The following KRAS variants were observed in gnomAD, a reference collection of about 807,000 sequenced individuals.
The protein encoded by KRAS is GTPase KRas.
Under a neutral mutation model 21.0 loss-of-function variants are expected in KRAS, and 1 was observed. That is an observed-to-expected ratio of 0.05 (90% CI 0.02 to 0.23). The LOEUF is 0.23. Ranked by LOEUF, KRAS falls within the 10% of genes least tolerant of loss-of-function variation. The pLI, the probability that KRAS is intolerant of heterozygous loss-of-function variation, is 1.00. For missense variants in KRAS, 107 were observed against 221.8 expected, an observed-to-expected ratio of 0.48 and a Z score of 3.29; for synonymous variants, 67 against 72.5, an observed-to-expected ratio of 0.92 and a Z score of 0.39.
intron 4 of KRAS, among the ~76,000 whole-genome samples, chr12:25,213,838 G>A (rs980516928): frequency 6.6e-6 from 1 of 152,162 alleles, no homozygotes; most frequent in Non-Finnish European, 1.5e-5. Flanking sequence ...AGTATTTTCT[G>A]AGCAAGACAG....
At chr12:25,250,584 C>G (rs1389597556) in intron 1 of KRAS, among the ~76,000 whole-genome samples, 167 bp downstream of exon 1, 1 of 151,334 alleles carries the variant, frequency 6.6e-6, no homozygotes, top group Non-Finnish European at 1.5e-5. Context: ...CCGCGCGCCT[C>G]CCCCCTGCAG....
At chr12:25,246,212 T>C (rs1482528385) in intron 1 of KRAS, among the ~76,000 whole-genome samples, 1 of 149,124 alleles carries the variant, frequency 6.7e-6, no homozygotes, top group Non-Finnish European at 1.5e-5. Context: ...GAACTCCGAA[T>C]TAACTGTTCA....
chr12:25,236,530 G>T (rs777835132), intron 2 of KRAS, among the ~76,000 whole-genome samples: 3 of 151,732 alleles, frequency 2.0e-5, no homozygotes, highest in South Asian at 4.2e-4. Context: ...TTGCCTTTCA[G>T]TCTTCCAACA....
intron 4 of KRAS, among the ~76,000 whole-genome samples, chr12:25,222,668 A>C (rs966969040): frequency 1.3e-5 from 2 of 152,168 alleles, no homozygotes; most frequent in Admixed American, 6.5e-5. Flanking sequence ...CATATTATAT[A>C]CCTTCAAAAA....
chr12:25,226,009 CCTA>C (rs1285964648), intron 3 of KRAS, among the ~76,000 whole-genome samples: 3 of 151,978 alleles, frequency 2.0e-5, no homozygotes, highest in African/African-American at 7.2e-5. Flanking sequence ...AAAACTATAA[CCTA>C]ATAGGTTAAT....
chr12:25,228,547 G>T (rs916064721), intron 2 of KRAS, among the ~76,000 whole-genome samples: 1 of 151,930 alleles, frequency 6.6e-6, no homozygotes, highest in African/African-American at 2.4e-5. Context: ...CTTATATGAG[G>T]AACCTAAAAT....
rs138809689 is a variant in KRAS at position 25,226,084 on chromosome 12, T to C, written c.291-311A>G. 6.2e-3 allele frequency among the ~76,000 whole-genome samples: 946 copies of C among 152,290 alleles called. 10 individuals carry two copies. The highest frequency in any genetic ancestry group is 0.021 in the African/African-American group (876 of 41,572). ...GAAAAATTCTAGACCCAAAGTGCTA[T>C]ATAACAGACTATAATTTTAGAAACG... On this transcript the variant is annotated intron_variant, in intron 3 of 4. Transcript: ENST00000311936.
At chr12:25,230,553 G>A (rs1329131852) in intron 2 of KRAS, among the ~76,000 whole-genome samples, 1 of 152,130 alleles carries the variant, frequency 6.6e-6, no homozygotes, top group African/African-American at 2.4e-5. Context: ...ACTTGAACCC[G>A]GGAGGTGGAG....
intron 2 of KRAS, among the ~76,000 whole-genome samples, chr12:25,232,871 T>C (rs1191015165): frequency 6.6e-6 from 1 of 152,204 alleles, no homozygotes; most frequent in Non-Finnish European, 1.5e-5. Context: ...CACAATATTT[T>C]TGGAAAGCAA....
intron 2 of KRAS, among the ~76,000 whole-genome samples, chr12:25,244,514 C>T (rs1266764735): frequency 1.3e-5 from 2 of 152,036 alleles, no homozygotes; most frequent in Non-Finnish European, 2.9e-5. Context: ...TAAATAAATC[C>T]TCATCTGCTT....
chr12:25,240,703 TCA>T (rs931465005), intron 2 of KRAS, among the ~76,000 whole-genome samples: 5 of 152,200 alleles, frequency 3.3e-5, no homozygotes, highest in Non-Finnish European at 7.3e-5. Flanking sequence ...AACCATAAAA[TCA>T]TTTTTTCCTT....
At chr12:25,248,277 A>G (rs1297682655) in intron 1 of KRAS, among the ~76,000 whole-genome samples, 1 of 152,084 alleles carries the variant, frequency 6.6e-6, no homozygotes, top group Non-Finnish European at 1.5e-5. Flanking sequence ...CCTGGCCAAC[A>G]TGGTGAAATC....
intron 2 of KRAS, among the ~76,000 whole-genome samples, chr12:25,236,658 G>A (rs377751612): frequency 6.6e-6 from 1 of 152,114 alleles, no homozygotes; most frequent in African/African-American, 2.4e-5. Context: ...GGGGGAGGGA[G>A]GGAGAGAGGG....
intron 2 of KRAS, among the ~76,000 whole-genome samples, chr12:25,244,538 TACTCCATGA>T (rs1951651841): frequency 1.9e-4 from 29 of 152,204 alleles, no homozygotes. Flanking sequence ...ATGGAAGTTC[TACTCCATGA>T]CCTTCAAGGT....
chr12:25,249,362 A>T (rs1449642046), intron 1 of KRAS, among the ~76,000 whole-genome samples: 4 of 152,020 alleles, frequency 2.6e-5, no homozygotes, highest in Admixed American at 2.6e-4. Flanking sequence ...GCGCCACTGC[A>T]CTCCAGCCTG....
chr12:25,217,901 A>T (rs1044119598), intron 4 of KRAS, among the ~76,000 whole-genome samples: 3 of 152,126 alleles, frequency 2.0e-5, no homozygotes, highest in Non-Finnish European at 2.9e-5. Flanking sequence ...CTCTAAAAAA[A>T]TTTTTTTAAT....
At chr12:25,227,163 A>T (rs1951404215) in intron 3 of KRAS, 71 bp downstream of exon 3, 1 of 1,111,838 alleles carries the variant, frequency 9.0e-7, no homozygotes, top group Non-Finnish European at 1.3e-6. Flanking sequence ...GCATGGCATT[A>T]GCAAAGACTC....
chr12:25,212,603 A>C (rs984660358), intron 4 of KRAS, among the ~76,000 whole-genome samples: 5 of 152,182 alleles, frequency 3.3e-5, no homozygotes, highest in African/African-American at 1.2e-4. Flanking sequence ...AATTAATTTC[A>C]ATCGTGAAGG....
chr12:25,235,040 A>G (rs1048070601), intron 2 of KRAS: 55 of 369,014 alleles, frequency 1.5e-4, no homozygotes, highest in Admixed American at 2.7e-4. Flanking sequence ...TGTCATAAGC[A>G]TATTACAAAC....
Sources: allele counts gnomAD v4.1 joint callset (sites outside exome capture counted in the v4.1 genomes callset), GRCh38; gene constraint gnomAD v4.1.1; transcripts MANE v1.5; gene names NCBI Gene and HGNC (gene_info 2026-07-23, HGNC 2026-07-21).